MPRIP: variants seen among roughly 807,000 people sequenced by gnomAD.
MPRIP encodes myosin phosphatase Rho interacting protein.
MPRIP carries 59 observed loss-of-function variants against 234.9 expected under a neutral mutation model. That is an observed-to-expected ratio of 0.25 (90% confidence interval 0.20 to 0.31). MPRIP has a LOEUF of 0.31. Among genes scored for constraint, MPRIP ranks in the 10% least tolerant of loss-of-function variants. The pLI is 1.00. For missense variants in MPRIP, 2,436 were observed against 3,071.0 expected (o/e 0.79, Z 4.89); for synonymous variants, 1,144 against 1,263.9 (o/e 0.91, Z 2.01).
At chr17:17,133,484 T>C (rs1025320064) in intron 5 of MPRIP, among the ~76,000 whole-genome samples, 3 of 152,152 alleles carry the variant, frequency 2.0e-5, no homozygotes, top group East Asian at 3.9e-4. Flanking sequence ...TGGCCTAGGG[T>C]GGGGCTGGGG....
At chr17:17,108,259 A>G (rs933217785) in intron 3 of MPRIP, among the ~76,000 whole-genome samples, 4 of 151,762 alleles carry the variant, frequency 2.6e-5, no homozygotes, top group African/African-American at 9.7e-5. Flanking sequence ...TTGTCTCCAC[A>G]CTCTTCTGTC....
intron 3 of MPRIP, among the ~76,000 whole-genome samples, chr17:17,123,357 G>A (rs1482967148): frequency 6.6e-6 from 1 of 152,112 alleles, no homozygotes; most frequent in Non-Finnish European, 1.5e-5. Flanking sequence ...TCTCAATAAA[G>A]CTGTTGTTAA....
chr17:17,079,174 A>G (rs1200551668), intron 3 of MPRIP, among the ~76,000 whole-genome samples: 2 of 152,146 alleles, frequency 1.3e-5, no homozygotes, highest in African/African-American at 4.8e-5. Context: ...GTGATGTGAT[A>G]TGTTTTCTAC....
In MPRIP at chr17:17,166,797, G is replaced by A; in HGVS notation, c.5206G>A (p.Gly1736Ser). Reference protein sequence around the residue: ...QVLEALRLPAGHEDGVQLSWD... With the variant: ...QVLEALRLPASHEDGVQLSWD... ...CTTGGAAGCCCTCAGGCTTCCAGCG[G>A]GCCATGAAGATGGTGTTCAGCTGTC... is the stretch of plus-strand genomic sequence containing the variant. The change falls in exon 16 of 24, where the codon GGC becomes AGC. Residue 1736 changes from glycine to serine, a missense_variant. Gly to Ser is a moderately conservative substitution (Grantham distance 56). Coordinates refer to ENST00000651222, the MANE Select transcript of MPRIP (RefSeq NM_001364716.4). This position sits in a 1 kb window ranked among gnomAD's most constrained non-coding sequence, Gnocchi z 4.4. 1 of 1,304,228 alleles carries A rather than the reference G, an allele frequency of 7.7e-7. No individual in the cohort carries two copies. The highest frequency in any genetic ancestry group is 1.0e-6 in the Non-Finnish European group (1 of 988,952). 80.8% of individuals were successfully genotyped at this position (1,304,228 alleles called of 1,614,324 possible).
In MPRIP at chr17:17,136,944, A is replaced by T. The variant is rs1239901485; in HGVS notation, c.736+494A>T. Among the ~76,000 whole-genome samples the T allele has an allele frequency of 2.0e-5, 3 of 152,108 alleles. No homozygotes were observed. The East Asian group carries it at 5.8e-4, about 29-fold the overall frequency. ...TCTTTTAGCACTTTGGAATTACCTGAGCAGGAGCAGGTCTTCCATCTTTGT... is the reference window on the plus strand; with the variant it reads ...TCTTTTAGCACTTTGGAATTACCTGTGCAGGAGCAGGTCTTCCATCTTTGT... On this transcript the variant is annotated intron_variant, in intron 6 of 23. Coordinates refer to ENST00000651222, the MANE Select transcript of MPRIP (RefSeq NM_001364716.4).
intron 7 of MPRIP, chr17:17,142,031 G>C (rs569780816): frequency 6.5e-6 from 1 of 153,916 alleles, no homozygotes; most frequent in African/African-American, 2.4e-5. Context: ...GCGCTCTCCT[G>C]CTGTGCCGCT....
chr17:17,142,895 C>T, intron 8 of MPRIP, 130 bp downstream of exon 8: 1 of 1,021,534 alleles, frequency 9.8e-7, no homozygotes, highest in Non-Finnish European at 1.4e-6. Flanking sequence ...ACCACCTCCT[C>T]TGCATAGTGA....
chr17:17,130,248 C>T (rs141213005), intron 4 of MPRIP, among the ~76,000 whole-genome samples: 1 of 152,276 alleles, frequency 6.6e-6, no homozygotes, highest in Non-Finnish European at 1.5e-5. Context: ...GCCTCTGCCG[C>T]CACCACCTGT....
chr17:17,174,964 C>A (rs1354836648), intron 19 of MPRIP, among the ~76,000 whole-genome samples: 2 of 152,208 alleles, frequency 1.3e-5, no homozygotes, highest in African/African-American at 4.8e-5. Context: ...CCCCCTGGGG[C>A]TGGGAACATA....
chr17:17,155,217 C>T (rs530168831), intron 13 of MPRIP, among the ~76,000 whole-genome samples: 8 of 150,182 alleles, frequency 5.3e-5, no homozygotes, highest in Middle Eastern at 3.6e-3. Flanking sequence ...AATGTCACAG[C>T]GGGGGCTGTC....
In MPRIP at chr17:17,143,570, A is replaced by C; in HGVS notation, c.1404A>C (p.Glu468Asp). 1 of 1,596,312 alleles carries C rather than the reference A, an allele frequency of 6.3e-7. No individual in the cohort carries two copies. Among genetic ancestry groups the C allele is most frequent in the Non-Finnish European group, 8.5e-7 (1 of 1,171,238 alleles). The change falls in exon 9 of 24, where the codon GAA (glutamate) becomes GAC (aspartate). Residue 468 changes from glutamate to aspartate, a missense_variant. By Grantham distance (45) the Glu-to-Asp change is conservative. This residue lies in a region of MPRIP where 267 missense variants were observed against 252.7 expected (regional missense o/e 1.06). Transcript: ENST00000651222. Reference sequence around the variant, plus strand: ...CTCTGCCACAGGACTTCACCAATGAAGCCCCCCCAGCTCCTCTCCCAGACG... The same window carrying C: ...CTCTGCCACAGGACTTCACCAATGACGCCCCCCCAGCTCCTCTCCCAGACG... ...AFPRKRDFTN[E>D]APPAPLPDAS...
At chr17:17,174,945 G>A (rs943701883) in intron 19 of MPRIP, among the ~76,000 whole-genome samples, 21 of 152,162 alleles carry the variant, frequency 1.4e-4, no homozygotes, top group African/African-American at 5.1e-4. Context: ...ACCCTGCCCT[G>A]CACAAACACC....
intron 1 of MPRIP, among the ~76,000 whole-genome samples, chr17:17,056,454 G>A (rs187530834): frequency 2.0e-5 from 3 of 152,314 alleles, no homozygotes; most frequent in Admixed American, 1.3e-4. Context: ...GGGAGCAGGG[G>A]CAGGGGCCGG....
At chr17:17,048,825 T>C in intron 1 of MPRIP, among the ~76,000 whole-genome samples, 1 of 152,208 alleles carries the variant, frequency 6.6e-6, no homozygotes, top group Non-Finnish European at 1.5e-5. Flanking sequence ...CATTCCCACT[T>C]CTAGGTATAT....
At chr17:17,081,243 CTTG>C (rs1015380688) in intron 3 of MPRIP, among the ~76,000 whole-genome samples, 20 of 152,116 alleles carry the variant, frequency 1.3e-4, no homozygotes, top group African/African-American at 4.3e-4. Context: ...AGACTGACTT[CTTG>C]TTGTTGTTGG....
chr17:17,099,471 G>A (rs1263917343), intron 3 of MPRIP, among the ~76,000 whole-genome samples: 1 of 152,216 alleles, frequency 6.6e-6, no homozygotes, highest in East Asian at 1.9e-4. Context: ...ACAAGAGCCA[G>A]GCACAGTGAC....
rs539719508 is a variant in MPRIP, at chr17:17,167,562, C to T, written c.5971C>T (p.His1991Tyr). ...VRDRQDMERH[H>Y]GEQIQTLEDR... ...AGACAGGCAGGACATGGAGAGGCAT[C>T]ATGGTGAGCAGATACAGACCCTGGA... The change falls in exon 16 of 24, where the codon CAT (histidine) becomes TAT (tyrosine). Residue 1991 changes from histidine (H) to tyrosine (Y), a missense_variant. By Grantham distance (83) the His-to-Tyr change is moderately conservative. Transcript: ENST00000651222. This position sits in a 1 kb window ranked among gnomAD's most constrained non-coding sequence, Gnocchi z 5.9. 7.7e-7 allele frequency: 1 copy of T among 1,304,236 alleles called. No homozygotes were observed. Among genetic ancestry groups the T allele is most frequent in the South Asian group, 1.2e-5 (1 of 81,028 alleles). 80.8% of individuals were successfully genotyped at this position (1,304,236 alleles called of 1,614,324 possible).
chr17:17,120,695 T>C (rs549387409), intron 3 of MPRIP, among the ~76,000 whole-genome samples: 143 of 152,302 alleles, frequency 9.4e-4, no homozygotes, highest in African/African-American at 3.1e-3. Context: ...CGTCTCTTTT[T>C]TTGGAAAATG....
rs778807814 is a variant in MPRIP, at chr17:17,042,949, T to C, written c.101T>C (p.Leu34Pro). Residue 34 changes from leucine (L) to proline (P), a missense_variant, in exon 1 of 24, where the codon CTC becomes CCC. Physicochemically the swap from Leu to Pro is moderately conservative, Grantham distance 98 (BLOSUM62 -3). This residue lies in a region of MPRIP where 140 missense variants were observed against 207.3 expected (regional missense o/e 0.68). Coordinates refer to ENST00000651222, the MANE Select transcript of MPRIP (RefSeq NM_001364716.4). ...NCFKPRESHL[L>P]NDEDLTQAKP... ...TTCAAGCCCCGCGAGTCGCATCTGC[T>C]CAACGACGAGGACCTGACGCAGGTG... The C allele has an allele frequency of 8.1e-6, 13 of 1,610,874 alleles. No individual in the cohort carries two copies. The Admixed American group carries it at 2.2e-4, about 27-fold the overall frequency.
Sources: allele counts gnomAD v4.1 joint callset (sites outside exome capture counted in the v4.1 genomes callset), GRCh38; gene constraint gnomAD v4.1.1; regional missense constraint gnomAD v4.1.1; non-coding constraint Gnocchi (gnomAD v3.1); transcripts MANE v1.5; gene names NCBI Gene and HGNC (gene_info 2026-07-23, HGNC 2026-07-21).